NRP1: variants seen among roughly 807,000 people sequenced by gnomAD.
NRP1 encodes the protein neuropilin 1.
In NRP1, 35 loss-of-function variants were observed where a neutral mutation model predicts 106.7. The ratio of observed to expected loss-of-function variants is 0.33; its 90% confidence interval spans 0.25 to 0.43. The LOEUF is 0.43. Among genes scored for constraint, NRP1 ranks in the 20% least tolerant of loss-of-function variants. The probability of loss-of-function intolerance (pLI) is 1.00; values close to 1 mark genes in which losing one functional copy is unlikely to be tolerated. For synonymous variants in NRP1, 437 were observed against 417.9 expected, an observed-to-expected ratio of 1.05 and a Z score of -0.56; for missense variants, 1,024 against 1,170.4, an observed-to-expected ratio of 0.87 and a Z score of 1.83.
chr10:33,318,093 C>T (rs1038329855), intron 2 of NRP1, among the ~76,000 whole-genome samples: 1 of 152,090 alleles, frequency 6.6e-6, no homozygotes, highest in African/African-American at 2.4e-5. Flanking sequence ...CTTCCATCTA[C>T]ATTAGCTCAT....
At position 33,268,746 on chromosome 10, in the gene NRP1, T is replaced by C. The variant is rs529216876; in HGVS notation, c.430+1929A>G. 3.9e-5 allele frequency among the ~76,000 whole-genome samples: 6 copies of C among 152,258 alleles called. 1 individual carries two copies. The highest frequency in any genetic ancestry group is 4.1e-4 in the South Asian group (2 of 4,832). ...AGGTGTACATATGTGTGTGTACATA[T>C]ACAGACACGTATAATATGACTTCTA... On this transcript the variant is annotated intron_variant, in intron 3 of 16. Coordinates refer to ENST00000374867, the MANE Select transcript of NRP1 (RefSeq NM_003873.7).
At chr10:33,243,048 A>G (rs1053472315) in intron 6 of NRP1, among the ~76,000 whole-genome samples, 4 of 152,144 alleles carry the variant, frequency 2.6e-5, no homozygotes, top group African/African-American at 4.8e-5. Flanking sequence ...ATTTCCTTCA[A>G]AGACTGGAGG....
At chr10:33,317,493 G>A (rs950698524) in intron 2 of NRP1, among the ~76,000 whole-genome samples, 2 of 152,158 alleles carry the variant, frequency 1.3e-5, no homozygotes. Flanking sequence ...TTTCGCTATG[G>A]ATTTATGCTA....
At chr10:33,300,404 G>T (rs190300278) in intron 2 of NRP1, among the ~76,000 whole-genome samples, 203 of 152,320 alleles carry the variant, frequency 1.3e-3, no homozygotes, top group Non-Finnish European at 1.4e-3. Flanking sequence ...GAGCTCTAAG[G>T]CTCCACTTTG....
At chr10:33,253,678 A>T (rs1312218615) in intron 6 of NRP1, among the ~76,000 whole-genome samples, 1 of 152,236 alleles carries the variant, frequency 6.6e-6, no homozygotes, top group Admixed American at 6.5e-5. Flanking sequence ...GCCCATTAAC[A>T]GACAGTGTGT....
chr10:33,195,585 C>G (rs1026374609), intron 12 of NRP1: 1 of 533,126 alleles, frequency 1.9e-6, no homozygotes, highest in Non-Finnish European at 3.8e-6. Flanking sequence ...GCCTGCAGAA[C>G]AGTGTGGATC....
intron 2 of NRP1, among the ~76,000 whole-genome samples, chr10:33,329,829 A>G (rs1378694078): frequency 2.6e-5 from 4 of 152,206 alleles, no homozygotes; most frequent in Non-Finnish European, 5.9e-5. Context: ...GTTAAGAGAG[A>G]CGAGCAAACA....
At chr10:33,282,241 A>G (rs1588913857) in intron 2 of NRP1, among the ~76,000 whole-genome samples, 1 of 152,284 alleles carries the variant, frequency 6.6e-6, no homozygotes, top group East Asian at 1.9e-4. Context: ...AATTTGCTCA[A>G]AAAGCCCCCT....
chr10:33,184,088 T>C (rs1476454321), intron 15 of NRP1, among the ~76,000 whole-genome samples: 85 of 152,298 alleles, frequency 5.6e-4, no homozygotes, highest in Non-Finnish European at 7.4e-5. Flanking sequence ...CTTGGCTCAC[T>C]GCAACTTCCG....
At chr10:33,238,863 TA>T (rs1330007248) in intron 6 of NRP1, among the ~76,000 whole-genome samples, 1 of 152,016 alleles carries the variant, frequency 6.6e-6, no homozygotes, top group Non-Finnish European at 1.5e-5. Context: ...TGTGACCTAA[TA>T]TTTTTTTACT....
intron 12 of NRP1, chr10:33,194,648 G>T (rs904293141): frequency 8.5e-6 from 4 of 472,826 alleles, no homozygotes; most frequent in African/African-American, 6.0e-5. Flanking sequence ...GTATTTTACT[G>T]CTCTTTTATC....
At chr10:33,193,274 C>T (rs1296173575) in intron 12 of NRP1, among the ~76,000 whole-genome samples, 3 of 152,136 alleles carry the variant, frequency 2.0e-5, no homozygotes, top group African/African-American at 7.2e-5. Context: ...CACAGCCTGA[C>T]ATTTTACACA....
chr10:33,217,647 T>C (rs1838883450), intron 8 of NRP1, among the ~76,000 whole-genome samples: 2 of 152,196 alleles, frequency 1.3e-5, no homozygotes, highest in Admixed American at 1.3e-4. Context: ...AGAGAAATAA[T>C]GAATAATTTT....
intron 6 of NRP1, among the ~76,000 whole-genome samples, chr10:33,245,749 A>G (rs1379070874): frequency 6.7e-6 from 1 of 150,008 alleles, no homozygotes; most frequent in Non-Finnish European, 1.5e-5. Flanking sequence ...AGACAAAAGG[A>G]TGCCTGTATC....
chr10:33,284,111 CT>C (rs1844340846), intron 2 of NRP1, among the ~76,000 whole-genome samples: 1 of 152,176 alleles, frequency 6.6e-6, no homozygotes, highest in Non-Finnish European at 1.5e-5. Flanking sequence ...AAAATTCCCC[CT>C]GATAATACTT....
chr10:33,223,902 G>C (rs1839451260), intron 7 of NRP1, among the ~76,000 whole-genome samples: 1 of 152,180 alleles, frequency 6.6e-6, no homozygotes, highest in Non-Finnish European at 1.5e-5. Context: ...GTGTGCCCTG[G>C]TGCAGGCAGA....
chr10:33,247,530 G>A (rs1018355140), intron 6 of NRP1, among the ~76,000 whole-genome samples: 2 of 152,216 alleles, frequency 1.3e-5, no homozygotes, highest in Non-Finnish European at 2.9e-5. Context: ...CCCTGGGGCC[G>A]AGGGTGGCAA....
At chr10:33,223,235 C>A (rs1360692811) in intron 7 of NRP1, among the ~76,000 whole-genome samples, 3 of 152,164 alleles carry the variant, frequency 2.0e-5, no homozygotes, top group Non-Finnish European at 4.4e-5. Flanking sequence ...TGCTCTTCCA[C>A]CTGGGAGAAA....
chr10:33,249,084 G>GTTTTTTTTTTTTTTTTTTTTTTT (rs750905931), intron 6 of NRP1, among the ~76,000 whole-genome samples: 4 of 72,202 alleles, frequency 5.5e-5, no homozygotes, highest in African/African-American at 5.8e-5. Flanking sequence ...TATGTCTCTT[G>GTTTTTTTTTTTTTTTTTTTTTTT]TTTTTTTTTT....
Sources: gnomAD v4.1 joint callset for allele counts (sites outside exome capture counted in the v4.1 genomes callset) on GRCh38, gnomAD v4.1.1 for gene constraint, MANE v1.5 for transcripts, NCBI Gene and HGNC (gene_info 2026-07-23, HGNC 2026-07-21) for gene names.